C21orf91: variants seen among roughly 807,000 people sequenced by gnomAD.
The protein encoded by C21orf91 is protein EURL homolog.
Under a neutral mutation model 32.9 loss-of-function variants are expected in C21orf91, and 26 were observed. The observed-to-expected ratio is 0.79, with a 90% CI of 0.58 to 1.10. C21orf91 has a LOEUF of 1.10. Among genes scored for constraint, C21orf91 ranks in the 50% least tolerant of loss-of-function variants. The pLI, the probability that C21orf91 is intolerant of heterozygous loss-of-function variation, is 0.00. For missense variants in C21orf91, 310 were observed against 341.3 expected (o/e 0.91, Z 0.72); for synonymous variants, 126 against 120.4 (o/e 1.05, Z -0.31).
At chr21:17,807,721 C>T (rs116205357) in intron 2 of C21orf91, among the ~76,000 whole-genome samples, 110 of 152,286 alleles carry the variant, frequency 7.2e-4, no homozygotes, top group African/African-American at 2.6e-3. Flanking sequence ...GTCACTCTTG[C>T]TATGCTTTAC....
intron 2 of C21orf91, chr21:17,811,615 A>G (rs1470524089): frequency 6.6e-6 from 1 of 152,162 alleles, no homozygotes; most frequent in African/African-American, 2.4e-5. Flanking sequence ...AGTTATTTCA[A>G]CATAAAAACT....
Position 17,818,167 on chromosome 21 carries a change from G to A in C21orf91, c.127+25C>T, listed in dbSNP as rs2062677401. The A allele has an allele frequency of 2.5e-6, 4 of 1,576,306 alleles. No homozygotes were observed. The African/African-American group carries it at 4.1e-5, about 16-fold the overall frequency. ...CAGCTGTGTTAAATTCATTCCATAA[G>A]ATCAAAACTATACTGTGTCCTTACC... On this transcript the variant is annotated intron_variant, in intron 2 of 4. Coordinates refer to ENST00000284881, the MANE Select transcript of C21orf91 (RefSeq NM_001100420.2).
intron 2 of C21orf91, among the ~76,000 whole-genome samples, chr21:17,815,686 GT>G (rs1432798579): frequency 2.7e-5 from 4 of 150,106 alleles, no homozygotes; most frequent in Admixed American, 2.6e-4. Context: ...TTGAGACAGA[GT>G]TTTGCTCTTG....
At chr21:17,808,350 G>A (rs1035694392) in intron 2 of C21orf91, among the ~76,000 whole-genome samples, 3 of 152,240 alleles carry the variant, frequency 2.0e-5, no homozygotes, top group Non-Finnish European at 4.4e-5. Context: ...CTAGATTTCA[G>A]AGGATGTATG....
intron 1 of C21orf91, among the ~76,000 whole-genome samples, chr21:17,818,620 T>G (rs2062682422): frequency 6.6e-6 from 1 of 152,230 alleles, no homozygotes; most frequent in South Asian, 2.1e-4. Context: ...GGCATTCTAG[T>G]CCTCCTCCTT....
At position 17,815,791 on chromosome 21, in the gene C21orf91, G is replaced by A. The variant is rs565426446; in HGVS notation, c.127+2401C>T. ...TTCTCTTGCCTCAGCCTCCTGAGTA[G>A]CTGAGATTACAGGCATGTGCCACCA... is the stretch of plus-strand genomic sequence containing the variant. On this transcript the variant is annotated intron_variant, in intron 2 of 4. Transcript: ENST00000284881. 2.0e-5 allele frequency among the ~76,000 whole-genome samples: 3 copies of A among 152,224 alleles called. No homozygotes were observed. In the East Asian group the frequency reaches 5.8e-4, roughly 29 times the overall value.
At chr21:17,799,556 C>T (rs1278618108) in intron 2 of C21orf91, among the ~76,000 whole-genome samples, 1 of 152,166 alleles carries the variant, frequency 6.6e-6, no homozygotes, top group East Asian at 1.9e-4. Context: ...GCACCTACAA[C>T]ATCTGAAATC....
At chr21:17,802,264 T>C (rs1214729953) in intron 2 of C21orf91, among the ~76,000 whole-genome samples, 1 of 152,132 alleles carries the variant, frequency 6.6e-6, no homozygotes, top group African/African-American at 2.4e-5. Flanking sequence ...GGGTTCAAGC[T>C]ATCATCATAC....
intron 2 of C21orf91, chr21:17,810,853 T>C (rs2146260615): frequency 6.6e-6 from 1 of 152,364 alleles, no homozygotes; most frequent in African/African-American, 2.4e-5. Context: ...CTATATTATG[T>C]TGGCATATTA....
At chr21:17,799,620 T>A (rs541296359) in intron 2 of C21orf91, among the ~76,000 whole-genome samples, 1 of 152,162 alleles carries the variant, frequency 6.6e-6, no homozygotes, top group South Asian at 2.1e-4. Flanking sequence ...ATGATCATCA[T>A]CACCTCCTGT....
At chr21:17,802,747 T>C (rs2062570448) in intron 2 of C21orf91, among the ~76,000 whole-genome samples, 1 of 152,228 alleles carries the variant, frequency 6.6e-6, no homozygotes, top group Admixed American at 6.5e-5. Context: ...TCCTGTCAAA[T>C]AGCACTGTCT....
At chr21:17,804,367 T>A (rs942046831) in intron 2 of C21orf91, among the ~76,000 whole-genome samples, 3 of 152,226 alleles carry the variant, frequency 2.0e-5, no homozygotes, top group Non-Finnish European at 2.9e-5. Context: ...AAAATTTTTA[T>A]CAGTTGTCCT....
At position 17,796,880 on chromosome 21, in the gene C21orf91, A is replaced by G. The variant is rs2146247317; in HGVS notation, c.366T>C (p.Asn122=). 6.2e-7 allele frequency: 1 copy of G among 1,614,008 alleles called. No individual in the cohort carries two copies. Residue 122 remains asparagine, a synonymous_variant, in exon 3 of 5, where the codon AAT becomes AAC. Transcript: ENST00000284881. ...ATTTTTCTTCTGGCTTATGCCTGAA[A>G]TTAAACAGATGATGCTGGGGGTTTT... ...CSKNPQHHLF[N]FRHKPEEKLL...
rs539778560 is a variant in C21orf91 at position 17,792,495 on chromosome 21, G to C, written c.*920C>G. 10 of 151,092 alleles carry C rather than the reference G, an allele frequency of 6.6e-5. No homozygotes were observed. In the South Asian group the frequency reaches 2.1e-3, roughly 32 times the overall value. The allele number at this position is 151,092 out of a possible 1,614,324, so 9.4% of individuals were successfully genotyped here. A position where few individuals can be genotyped will look rare whatever the true frequency, so the allele number is the denominator to read the frequency against. The stretch of plus-strand genomic sequence containing the variant: ...ATCTTACTTTTTTTTTTCAAAGACA[G>C]AACAATTTCACAGCACACTCAATTT... On this transcript the variant is annotated 3_prime_UTR_variant, in exon 5 of 5. Transcript: ENST00000284881.
At chr21:17,817,945 A>G (rs754504217) in intron 2 of C21orf91, 2 of 313,870 alleles carry the variant, frequency 6.4e-6, no homozygotes, top group Non-Finnish European at 1.2e-5. Flanking sequence ...CAACACTCAT[A>G]CTTATTTCTG....
At chr21:17,804,315 T>C (rs1226934716) in intron 2 of C21orf91, among the ~76,000 whole-genome samples, 1 of 152,238 alleles carries the variant, frequency 6.6e-6, no homozygotes, top group Non-Finnish European at 1.5e-5. Flanking sequence ...GATGAATAGT[T>C]GGAGTATCTA....
At position 17,793,400 on chromosome 21, in the gene C21orf91, G is replaced by GT; in HGVS notation, c.*14dup. ...ACCAATAAAGGGCAGGGCATACGAA[G>GT]TAAGTCTGTTTAGGTCAGTTGTTTA... On this transcript the variant is annotated 3_prime_UTR_variant, in exon 5 of 5. Coordinates refer to ENST00000284881, the MANE Select transcript of C21orf91 (RefSeq NM_001100420.2). 1 of 1,558,858 alleles carries GT rather than the reference G, an allele frequency of 6.4e-7. No homozygotes were observed. The highest frequency in any genetic ancestry group is 1.2e-5 in the South Asian group (1 of 84,210).
chr21:17,810,564 C>T lies in C21orf91; in HGVS notation c.127+7628G>A, dbSNP rs547982629. On this transcript the variant is annotated intron_variant, in intron 2 of 4. Transcript: ENST00000284881. ...TGCTATGCAATTTCAGGATTGGTGCCGACATCTTCACCTGTGCTCACACTG... is the reference window on the plus strand; with the variant it reads ...TGCTATGCAATTTCAGGATTGGTGCTGACATCTTCACCTGTGCTCACACTG... 6.6e-5 allele frequency: 10 copies of T among 152,312 alleles called. No homozygotes were observed. The South Asian group carries it at 8.3e-4, about 13-fold the overall frequency. 9.4% of individuals were successfully genotyped at this position (152,312 alleles called of 1,614,324 possible).
At chr21:17,793,928 G>C (rs370110962) in intron 4 of C21orf91, among the ~76,000 whole-genome samples, 1 of 152,208 alleles carries the variant, frequency 6.6e-6, no homozygotes, top group Admixed American at 6.5e-5. Context: ...AGAAGTGCCT[G>C]TTAGTATTCA....
Sources: gnomAD v4.1 joint callset for allele counts (sites outside exome capture counted in the v4.1 genomes callset) on GRCh38, gnomAD v4.1.1 for gene constraint, MANE v1.5 for transcripts, NCBI Gene and HGNC (gene_info 2026-07-23, HGNC 2026-07-21) for gene names.